Variants in ARHGAP8 observed in about 807,000 individuals in gnomAD.
The protein encoded by ARHGAP8 is rho GTPase-activating protein 8.
Under a neutral mutation model 46.1 loss-of-function variants are expected in ARHGAP8, and 62 were observed. The observed-to-expected ratio is 1.34, with a 90% CI of 1.10 to 1.66. The LOEUF (loss-of-function observed/expected upper bound fraction) is 1.66, where lower values mean the gene tolerates loss of function less well. ARHGAP8 is among the 40% of genes most tolerant of loss of function. The probability of loss-of-function intolerance (pLI) is 0.00; values close to 1 mark genes in which losing one functional copy is unlikely to be tolerated. For synonymous variants in ARHGAP8, 375 were observed against 243.1 expected (o/e 1.54, Z -5.05); for missense variants, 923 against 568.4 (o/e 1.62, Z -6.34).
intron 7 of ARHGAP8, among the ~76,000 whole-genome samples, chr22:44,829,317 A>G (rs1214391476): frequency 1.3e-5 from 2 of 151,832 alleles, no homozygotes; most frequent in Admixed American, 6.6e-5. Context: ...AAAGAAAAAG[A>G]AAAAACAAGC....
chr22:44,836,829 G>T (rs868316628), intron 7 of ARHGAP8, among the ~76,000 whole-genome samples: 4 of 151,888 alleles, frequency 2.6e-5, no homozygotes, highest in Admixed American at 6.6e-5. Flanking sequence ...GTAATTTCAG[G>T]TTGCCATTCC....
At chr22:44,776,114 C>G (rs1032942322) in intron 1 of ARHGAP8, among the ~76,000 whole-genome samples, 4 of 152,184 alleles carry the variant, frequency 2.6e-5, no homozygotes, top group Non-Finnish European at 5.9e-5. Flanking sequence ...GAAGATGTCA[C>G]AAGTACAAGC....
In ARHGAP8 at chr22:44,822,513, G is replaced by A. The variant is rs777091113; in HGVS notation, c.485+44G>A. On this transcript the variant is annotated intron_variant, in intron 6 of 11. Transcript: ENST00000356099. ...CCAGAAGCCGCATCAATACATCTTC[G>A]TGCTTCCAAAGGGCTTGGTTCAGTC... 44 of 1,474,750 alleles carry A rather than the reference G, an allele frequency of 3.0e-5. No individual in the cohort carries two copies. In the South Asian group the frequency reaches 3.8e-4, roughly 13 times the overall value. The allele number at this position is 1,474,750 out of a possible 1,614,324, so 91.4% of individuals were successfully genotyped here. A position where few individuals can be genotyped will look rare whatever the true frequency, so the allele number is the denominator to read the frequency against.
At position 44,849,050 on chromosome 22, in the gene ARHGAP8, C is replaced by T. The variant is rs2269543; in HGVS notation, c.867C>T (p.Leu289=). The change falls in exon 10 of 12, where the codon CTC becomes CTT. Residue 289 remains leucine, a synonymous_variant. Coordinates refer to ENST00000356099, the MANE Select transcript of ARHGAP8 (RefSeq NM_181335.3). ...LLTFQAYEQI[L]GITCVESSLR... is the part of the protein sequence containing the mutation. ...CCTTCCAGGCCTACGAGCAGATTCT[C>T]GGGATCACCTGTGCGTAGCTGCCCT... 0.28 allele frequency: 446,955 copies of T among 1,613,678 alleles called. 66,026 individuals are homozygous for T. The highest frequency in any genetic ancestry group is 0.56 in the African/African-American group (41,725 of 74,930).
rs556221988 is a variant in ARHGAP8 at position 44,829,085 on chromosome 22, C to T, written c.596+3492C>T. On this transcript the variant is annotated intron_variant, in intron 7 of 11. Transcript: ENST00000356099. ...GTCAGGAGTTCAAGACCAGCCTGGC[C>T]GGTATGGTGAAACCCTATCTCTACT... 3.3e-3 allele frequency among the ~76,000 whole-genome samples: 410 copies of T among 125,940 alleles called. 4 individuals carry two copies. The highest frequency in any genetic ancestry group is 0.012 in the African/African-American group (382 of 31,906). 82.6% of individuals were successfully genotyped at this position (125,940 alleles called of 152,430 possible). A position where few individuals can be genotyped will look rare whatever the true frequency, so the allele number is the denominator to read the frequency against.
At chr22:44,812,608 G>A (rs1246103423) in intron 4 of ARHGAP8, among the ~76,000 whole-genome samples, 1 of 152,060 alleles carries the variant, frequency 6.6e-6, no homozygotes, top group Non-Finnish European at 1.5e-5. Flanking sequence ...GCCCGCCTCA[G>A]CCTCCCAAAG....
intron 7 of ARHGAP8, among the ~76,000 whole-genome samples, chr22:44,834,336 AATTAATCTTAAAGT>A (rs1384527120): frequency 7.2e-5 from 11 of 152,074 alleles, no homozygotes; most frequent in Non-Finnish European, 1.6e-4. Context: ...CCATGATTTT[AATTAATCTTAAAGT>A]ATTTTCTAAT....
In ARHGAP8 at chr22:44,822,536, G is replaced by A; in HGVS notation, c.485+67G>A. On this transcript the variant is annotated intron_variant, in intron 6 of 11. Coordinates refer to ENST00000356099, the MANE Select transcript of ARHGAP8 (RefSeq NM_181335.3). The stretch of plus-strand genomic sequence containing the variant: ...TCGTGCTTCCAAAGGGCTTGGTTCA[G>A]TCCCATGAATGTTTAAGGCTTGATT... 2.9e-6 allele frequency: 4 copies of A among 1,371,200 alleles called. No homozygotes were observed. The South Asian group carries it at 6.3e-5, about 22-fold the overall frequency. 84.9% of individuals were successfully genotyped at this position (1,371,200 alleles called of 1,614,324 possible).
At chr22:44,770,561 A>G (rs1925924514) in intron 1 of ARHGAP8, among the ~76,000 whole-genome samples, 1 of 151,976 alleles carries the variant, frequency 6.6e-6, no homozygotes, top group African/African-American at 2.4e-5. Context: ...GTCTGCCACC[A>G]TGTCTGGCTA....
At chr22:44,859,329 C>A (rs1044412413) in intron 10 of ARHGAP8, among the ~76,000 whole-genome samples, 1 of 151,720 alleles carries the variant, frequency 6.6e-6, no homozygotes, top group Non-Finnish European at 1.5e-5. Context: ...CTTACCAGAT[C>A]TGGTTTAAAA....
intron 2 of ARHGAP8, among the ~76,000 whole-genome samples, chr22:44,797,158 C>T (rs1474115585): frequency 6.6e-6 from 1 of 151,372 alleles, no homozygotes; most frequent in Non-Finnish European, 1.5e-5. Flanking sequence ...GTCCAATTAT[C>T]TGGCACATCC....
intron 10 of ARHGAP8, 128 bp from the exon 11 acceptor site, chr22:44,859,603 C>T (rs2070363907): frequency 2.0e-6 from 2 of 1,004,738 alleles, no homozygotes; most frequent in Non-Finnish European, 3.0e-6. Flanking sequence ...GTGGGGGTCC[C>T]AAGCCCAAAT....
intron 5 of ARHGAP8, among the ~76,000 whole-genome samples, chr22:44,817,665 G>A (rs5765032): frequency 0.13 from 20,161 of 151,924 alleles, 1,948 homozygotes; most frequent in East Asian, 0.36. Context: ...ATTAGCGGGT[G>A]TGGTGGTGGG....
At chr22:44,859,359 C>T (rs1299079958) in intron 10 of ARHGAP8, among the ~76,000 whole-genome samples, 5 of 152,232 alleles carry the variant, frequency 3.3e-5, no homozygotes, top group Middle Eastern at 6.8e-3. Flanking sequence ...ACCTCTGTCC[C>T]ACTCTCTCTT....
intron 4 of ARHGAP8, among the ~76,000 whole-genome samples, chr22:44,813,324 T>C (rs1419769891): frequency 6.9e-6 from 1 of 145,146 alleles, no homozygotes; most frequent in African/African-American, 2.8e-5. Flanking sequence ...TGCATACACA[T>C]ACATACAGAC....
At chr22:44,836,276 G>A (rs1931281209) in intron 7 of ARHGAP8, among the ~76,000 whole-genome samples, 1 of 151,712 alleles carries the variant, frequency 6.6e-6, no homozygotes, top group South Asian at 2.1e-4. Context: ...ATGTTGCTCA[G>A]GTTGGTTTCA....
intron 10 of ARHGAP8, among the ~76,000 whole-genome samples, chr22:44,858,571 T>C (rs1303174238): frequency 8.5e-6 from 1 of 117,210 alleles, no homozygotes; most frequent in Non-Finnish European, 1.7e-5. Context: ...GGTTTCACCA[T>C]GTTGGGTCAG....
At chr22:44,756,640 AC>A (rs1924706655) in intron 1 of ARHGAP8, among the ~76,000 whole-genome samples, 1 of 91,210 alleles carries the variant, frequency 1.1e-5, no homozygotes, top group East Asian at 3.8e-4. Flanking sequence ...CCACCCTCTC[AC>A]CCCTTCTCTC....
rs78045145 is a variant in ARHGAP8 at position 44,755,039 on chromosome 22, C to T, written c.-72+2412C>T. Among the ~76,000 whole-genome samples the T allele has an allele frequency of 2.6e-3, 398 of 152,324 alleles. 1 individual carries two copies. Among genetic ancestry groups the T allele is most frequent in the African/African-American group, 9.3e-3 (388 of 41,574 alleles). On this transcript the variant is annotated intron_variant, in intron 1 of 11. Coordinates refer to ENST00000356099, the MANE Select transcript of ARHGAP8 (RefSeq NM_181335.3). ...AGGAGCTATTGGCTGTCCTTCCCCACTGCGATGGTGGTCACCAAATGGCCA... is the reference window on the plus strand; with the variant it reads ...AGGAGCTATTGGCTGTCCTTCCCCATTGCGATGGTGGTCACCAAATGGCCA...
Sources: allele counts gnomAD v4.1 joint callset (sites outside exome capture counted in the v4.1 genomes callset), GRCh38; gene constraint gnomAD v4.1.1; transcripts MANE v1.5; gene names NCBI Gene and HGNC (gene_info 2026-07-23, HGNC 2026-07-21).